ZNF804B: variants seen among roughly 807,000 people sequenced by gnomAD.
The protein encoded by ZNF804B is zinc finger 804B.
In ZNF804B, 80 loss-of-function variants were observed where a neutral mutation model predicts 101.4. The observed-to-expected ratio is 0.79, with a 90% CI of 0.66 to 0.95. The LOEUF (loss-of-function observed/expected upper bound fraction) is 0.95. Ranked by LOEUF, ZNF804B falls within the 40% of genes least tolerant of loss-of-function variation. ZNF804B has a pLI of 0.00. For synonymous variants in ZNF804B, 622 were observed against 558.8 expected (o/e 1.11, Z -1.59); for missense variants, 1,673 against 1,561.9 (o/e 1.07, Z -1.20).
chr7:88,882,925 G>A (rs763688986), intron 1 of ZNF804B, among the ~76,000 whole-genome samples: 9 of 151,880 alleles, frequency 5.9e-5, no homozygotes, highest in Non-Finnish European at 1.0e-4. Flanking sequence ...CTGGGTCACA[G>A]GATCACTCAT....
intron 1 of ZNF804B, among the ~76,000 whole-genome samples, chr7:88,780,731 C>A (rs114754041): frequency 4.6e-5 from 7 of 152,032 alleles, no homozygotes; most frequent in Non-Finnish European, 4.4e-5. Context: ...ACTATAAAGA[C>A]GCTTTCTGAG....
At chr7:88,993,367 G>A (rs1186159653) in intron 1 of ZNF804B, among the ~76,000 whole-genome samples, 2 of 151,978 alleles carry the variant, frequency 1.3e-5, no homozygotes, top group Non-Finnish European at 2.9e-5. Context: ...TCCTTGAGGA[G>A]CAGAATAATG....
chr7:89,012,700 T>C (rs1169174575), intron 1 of ZNF804B, among the ~76,000 whole-genome samples: 2 of 152,186 alleles, frequency 1.3e-5, no homozygotes, highest in South Asian at 4.1e-4. Flanking sequence ...AGTTCCAAAC[T>C]TTCCCATATT....
Position 89,131,347 on chromosome 7 carries a change from A to G in ZNF804B, c.109-86808A>G, listed in dbSNP as rs1584004510. Among the ~76,000 whole-genome samples, 5 of 152,148 alleles carry G rather than the reference A, an allele frequency of 3.3e-5. No homozygotes were observed. In the South Asian group the frequency reaches 1.0e-3, roughly 32 times the overall value. On this transcript the variant is annotated intron_variant, in intron 1 of 3. Coordinates refer to ENST00000333190, the MANE Select transcript of ZNF804B (RefSeq NM_181646.5). ...GTCTGCCAAAGTGGTATAAACATTA[A>G]CTTATTTTGATTTTAGAAGACAGAT... is the stretch of plus-strand genomic sequence containing the variant.
At chr7:89,015,042 G>A (rs1429890319) in intron 1 of ZNF804B, among the ~76,000 whole-genome samples, 2 of 152,118 alleles carry the variant, frequency 1.3e-5, no homozygotes, top group African/African-American at 4.8e-5. Flanking sequence ...GTAAGAAATG[G>A]AGGTCTGCTT....
intron 1 of ZNF804B, among the ~76,000 whole-genome samples, chr7:89,160,835 C>T (rs1422765457): frequency 2.0e-5 from 3 of 152,180 alleles, no homozygotes; most frequent in East Asian, 1.9e-4. Flanking sequence ...CAACATTCTG[C>T]GTCATTATTC....
Position 89,333,523 on chromosome 7 carries a change from C to T in ZNF804B, c.541C>T (p.Gln181Ter). Residue 181 changes from glutamine to a stop codon, truncating the protein, a stop_gained, in exon 4 of 4, where the codon CAG becomes TAG. Coordinates refer to ENST00000333190, the MANE Select transcript of ZNF804B (RefSeq NM_181646.5). LOFTEE classifies it high-confidence loss of function. ...KNLPRIISDK[Q>*]RSTMPNRHQL... is the part of the protein sequence containing the mutation. ...TCTCCCCAGAATCATATCCGATAAA[C>T]AGCGGTCCACCATGCCAAATCGACA... 2 of 1,613,466 alleles carry T rather than the reference C, an allele frequency of 1.2e-6. No homozygotes were observed. Among genetic ancestry groups the T allele is most frequent in the Non-Finnish European group, 1.7e-6 (2 of 1,179,632 alleles).
At chr7:89,036,820 A>T (rs1027131610) in intron 1 of ZNF804B, among the ~76,000 whole-genome samples, 2 of 152,032 alleles carry the variant, frequency 1.3e-5, no homozygotes, top group Non-Finnish European at 2.9e-5. Context: ...TCCAAGCTGA[A>T]TTTTTTTGAA....
intron 1 of ZNF804B, among the ~76,000 whole-genome samples, chr7:89,193,171 T>G (rs1308752043): frequency 6.6e-6 from 1 of 151,566 alleles, no homozygotes; most frequent in Non-Finnish European, 1.5e-5. Flanking sequence ...GAGAAAGAAA[T>G]AAAGGGCTTC....
At chr7:89,013,010 AG>A (rs1417187814) in intron 1 of ZNF804B, among the ~76,000 whole-genome samples, 1 of 152,190 alleles carries the variant, frequency 6.6e-6, no homozygotes, top group Non-Finnish European at 1.5e-5. Context: ...GAATGCAAGC[AG>A]GGGAAATGCC....
chr7:88,881,187 G>C (rs146183478), intron 1 of ZNF804B, among the ~76,000 whole-genome samples: 12 of 152,134 alleles, frequency 7.9e-5, no homozygotes, highest in Non-Finnish European at 1.0e-4. Context: ...TAAATGAATG[G>C]ATTGCATTTA....
At chr7:88,841,774 A>G (rs1052170778) in intron 1 of ZNF804B, among the ~76,000 whole-genome samples, 1 of 152,204 alleles carries the variant, frequency 6.6e-6, no homozygotes, top group Non-Finnish European at 1.5e-5. Context: ...GGTTAACTCC[A>G]GGGATTCATA....
intron 1 of ZNF804B, among the ~76,000 whole-genome samples, chr7:88,899,198 A>G (rs1281049461): frequency 1.3e-5 from 2 of 152,248 alleles, no homozygotes; most frequent in African/African-American, 2.4e-5. Context: ...CATTCTTTAT[A>G]TATGATATCT....
At chr7:89,174,508 A>T (rs1385643000) in intron 1 of ZNF804B, among the ~76,000 whole-genome samples, 1 of 151,986 alleles carries the variant, frequency 6.6e-6, no homozygotes, top group Non-Finnish European at 1.5e-5. Context: ...TGATGGACAC[A>T]CAAGTTAATT....
intron 1 of ZNF804B, among the ~76,000 whole-genome samples, chr7:89,033,506 T>G: frequency 6.6e-6 from 1 of 152,152 alleles, no homozygotes; most frequent in East Asian, 1.9e-4. Flanking sequence ...CATAGAGTAA[T>G]TCTATTTTTA....
intron 1 of ZNF804B, among the ~76,000 whole-genome samples, chr7:89,103,752 A>T (rs981737460): frequency 6.6e-6 from 1 of 151,952 alleles, no homozygotes; most frequent in Non-Finnish European, 1.5e-5. Flanking sequence ...TCTGGCTAGG[A>T]CTTCCATTAT....
intron 1 of ZNF804B, among the ~76,000 whole-genome samples, chr7:88,928,718 A>G (rs1307842254): frequency 6.6e-6 from 1 of 152,118 alleles, no homozygotes; most frequent in East Asian, 1.9e-4. Context: ...TTATTCTTAA[A>G]TCATAAATCA....
At chr7:89,056,012 T>C (rs994507762) in intron 1 of ZNF804B, among the ~76,000 whole-genome samples, 2 of 152,124 alleles carry the variant, frequency 1.3e-5, no homozygotes, top group Non-Finnish European at 2.9e-5. Context: ...GAAAGAAGCT[T>C]TCTTGGTCAG....
intron 1 of ZNF804B, among the ~76,000 whole-genome samples, chr7:88,984,838 A>G (rs1195490299): frequency 6.6e-6 from 1 of 152,062 alleles, no homozygotes; most frequent in African/African-American, 2.4e-5. Context: ...AATATCCCTG[A>G]TTCAATGGTA....
Sources: gnomAD v4.1 joint callset for allele counts (sites outside exome capture counted in the v4.1 genomes callset) on GRCh38, gnomAD v4.1.1 for gene constraint, MANE v1.5 for transcripts, NCBI Gene and HGNC (gene_info 2026-07-23, HGNC 2026-07-21) for gene names.